CD3G: variants seen among roughly 807,000 people sequenced by gnomAD.
CD3G encodes the protein CD3 gamma subunit of T-cell receptor complex.
A neutral mutation model predicts 28.3 loss-of-function variants in CD3G; 24 were observed. That is an observed-to-expected ratio of 0.85 (90% CI 0.61 to 1.19). The LOEUF (loss-of-function observed/expected upper bound fraction) is 1.19, where lower values mean the gene tolerates loss of function less well. CD3G is among the 50% of genes most tolerant of loss of function. The pLI is 0.00. For synonymous variants in CD3G, 71 were observed against 75.9 expected (o/e 0.93, Z 0.34); for missense variants, 211 against 210.0 (o/e 1.00, Z -0.03).
At chr11:118,351,814 A>G (rs1948412403) in intron 5 of CD3G, 143 bp downstream of exon 5, 2 of 745,712 alleles carry the variant, frequency 2.7e-6, no homozygotes, top group Middle Eastern at 2.8e-4. Context: ...TTTGGGTAGA[A>G]TAAATGAACT....
Position 118,353,315 on chromosome 11 carries a change from G to T in CD3G, c.*215G>T, listed in dbSNP as rs1416047187. ...AAAACAAATACTGTGTTTCAGAAGCGCCACCTATTGGGGAAAATTGTAAAA... is the reference window on the plus strand; with the variant it reads ...AAAACAAATACTGTGTTTCAGAAGCTCCACCTATTGGGGAAAATTGTAAAA... On this transcript the variant is annotated 3_prime_UTR_variant, in exon 7 of 7. Coordinates refer to ENST00000532917, the MANE Select transcript of CD3G (RefSeq NM_000073.3). 1 of 152,008 alleles carries T rather than the reference G, an allele frequency of 6.6e-6. No homozygotes were observed. Among genetic ancestry groups the T allele is most frequent in the Admixed American group, 6.6e-5 (1 of 15,246 alleles). The allele number at this position is 152,008 out of a possible 1,614,324, so 9.4% of individuals were successfully genotyped here. A position where few individuals can be genotyped will look rare whatever the true frequency, so the allele number is the denominator to read the frequency against.
At chr11:118,351,707 A>G (rs200297467) in intron 5 of CD3G, 36 bp downstream of exon 5, 104 of 1,599,552 alleles carry the variant, frequency 6.5e-5, no homozygotes, top group Non-Finnish European at 8.4e-5. Context: ...CATTGCTGTA[A>G]TTAGTGGGGG....
rs373153109 is a variant in CD3G, at chr11:118,351,529, A to C, written c.440-99A>C. Reference sequence around the variant, plus strand: ...GTGCTTTATCCATACTCTTGTGTATATATAAAACTCTTATTGTTATTTAGT... The same window carrying C: ...GTGCTTTATCCATACTCTTGTGTATCTATAAAACTCTTATTGTTATTTAGT... On this transcript the variant is annotated intron_variant, in intron 4 of 6. Transcript: ENST00000532917. 1.2e-5 allele frequency: 13 copies of C among 1,075,526 alleles called. No individual in the cohort carries two copies. The African/African-American group carries it at 2.0e-4, about 17-fold the overall frequency. 66.6% of individuals were successfully genotyped at this position (1,075,526 alleles called of 1,614,324 possible).
chr11:118,349,496 AG>A (rs1461799274), intron 2 of CD3G: 35 of 603,418 alleles, frequency 5.8e-5, no homozygotes, highest in Admixed American at 2.1e-4. Context: ...TACTAATTAC[AG>A]CAATGTCTCT....
rs548016478 is a variant in CD3G at position 118,354,406 on chromosome 11, G to A, written c.*1306G>A. On this transcript the variant is annotated 3_prime_UTR_variant, in exon 7 of 7. Coordinates refer to ENST00000532917, the MANE Select transcript of CD3G (RefSeq NM_000073.3). ...CAACCTCCACCTCCTGGGTTCAAGC[G>A]ATTCTCTTGCCTTGGCCTCCCGAGT... The A allele has an allele frequency of 1.8e-3, 266 of 150,356 alleles. No homozygotes were observed. Among genetic ancestry groups the A allele is most frequent in the African/African-American group, 6.1e-3 (248 of 40,810 alleles). The allele number at this position is 150,356 out of a possible 1,614,324, so 9.3% of individuals were successfully genotyped here.
chr11:118,348,541 G>A (rs1948376942), intron 1 of CD3G, among the ~76,000 whole-genome samples: 1 of 152,116 alleles, frequency 6.6e-6, no homozygotes, highest in East Asian at 1.9e-4. Flanking sequence ...CACCAACCAG[G>A]AAGCTCCACC....
In CD3G at chr11:118,352,390, G is replaced by A; in HGVS notation, c.484-14G>A. 1.2e-6 allele frequency: 2 copies of A among 1,610,276 alleles called. No homozygotes were observed. The highest frequency in any genetic ancestry group is 2.2e-5 in the South Asian group (2 of 91,016). On this transcript the variant is annotated splice_polypyrimidine_tract_variant and intron_variant, in intron 5 of 6. Transcript: ENST00000532917. ...GATGGAAAAAATGACTTATGACTGT[G>A]CTGTCCTTTCCAGCCCCTCAAGGAT...
At chr11:118,347,626 CTGTT>C (rs1431914244) in intron 1 of CD3G, among the ~76,000 whole-genome samples, 5 of 151,990 alleles carry the variant, frequency 3.3e-5, no homozygotes, top group South Asian at 4.1e-4. Context: ...TTTTGTTTGT[CTGTT>C]TGTTTGTTTT....
chr11:118,351,192 A>C (rs918354974), intron 4 of CD3G, among the ~76,000 whole-genome samples: 87 of 151,708 alleles, frequency 5.7e-4, no homozygotes, highest in African/African-American at 2.0e-3. Context: ...GTCTCAAAAA[A>C]AAAAAAAAAA....
intron 6 of CD3G, 46 bp downstream of exon 6, chr11:118,352,533 T>G (rs763139249): frequency 4.8e-5 from 61 of 1,278,454 alleles, no homozygotes; most frequent in Non-Finnish European, 6.6e-5. Context: ...TTGCATCAAC[T>G]GCCCTCGCAA....
intron 2 of CD3G, 137 bp downstream of exon 2, chr11:118,349,187 T>C (rs1219157485): frequency 1.2e-6 from 2 of 1,600,154 alleles, no homozygotes; most frequent in East Asian, 4.5e-5. Flanking sequence ...GTCTCTATTG[T>C]CAACCAAATC....
chr11:118,349,632 T>C, intron 2 of CD3G, 111 bp from the exon 3 acceptor site: 1 of 846,762 alleles, frequency 1.2e-6, no homozygotes, highest in Non-Finnish European at 2.0e-6. Flanking sequence ...ATGTGATTCA[T>C]GTGCACATCA....
intron 1 of CD3G, among the ~76,000 whole-genome samples, chr11:118,348,485 A>G (rs1365706044): frequency 6.6e-6 from 1 of 152,216 alleles, no homozygotes; most frequent in Non-Finnish European, 1.5e-5. Context: ...ATTAGAACAC[A>G]TCGCCCCCAG....
rs1948426866 is a variant in CD3G at position 118,353,524 on chromosome 11, C to CAT, written c.*424_*425insAT. On this transcript the variant is annotated 3_prime_UTR_variant, in exon 7 of 7. Transcript: ENST00000532917. ...CCTCTTCAGAGACAAATTAGTTTCT[C>CAT]TTTTTTTTTTTTTTTTTTTTTTTTT... 1 of 80,784 alleles carries CAT rather than the reference C, an allele frequency of 1.2e-5. No individual in the cohort carries two copies. Among genetic ancestry groups the CAT allele is most frequent in the African/African-American group, 4.5e-5 (1 of 22,044 alleles). The allele number at this position is 80,784 out of a possible 1,614,324, so 5.0% of individuals were successfully genotyped here.
At chr11:118,351,517 AC>A (rs1346398335) in intron 4 of CD3G, 110 bp from the exon 5 acceptor site, 2 of 962,174 alleles carry the variant, frequency 2.1e-6, no homozygotes, top group African/African-American at 3.2e-5. Context: ...CTTTATCCAT[AC>A]TCTTGTGTAT....
At chr11:118,352,532 C>T in intron 6 of CD3G, 45 bp downstream of exon 6, 1 of 1,287,854 alleles carries the variant, frequency 7.8e-7, no homozygotes, top group Non-Finnish European at 1.1e-6. Context: ...CTTGCATCAA[C>T]TGCCCTCGCA....
In CD3G at chr11:118,349,725, C is replaced by T. The variant is rs771499584; in HGVS notation, c.80-18C>T. ...AGAGGCAAGATCCTTAATAGAACCACGGCTTTTCTCATTTCAGGAAACCAC... is the reference window on the plus strand; with the variant it reads ...AGAGGCAAGATCCTTAATAGAACCATGGCTTTTCTCATTTCAGGAAACCAC... On this transcript the variant is annotated intron_variant, in intron 2 of 6. Transcript: ENST00000532917. 3.8e-6 allele frequency: 6 copies of T among 1,578,460 alleles called. No homozygotes were observed. Among genetic ancestry groups the T allele is most frequent in the South Asian group, 3.3e-5 (3 of 90,294 alleles).
chr11:118,347,947 G>A (rs2134067422), intron 1 of CD3G, among the ~76,000 whole-genome samples: 1 of 152,138 alleles, frequency 6.6e-6, no homozygotes, highest in East Asian at 1.9e-4. Flanking sequence ...ACAGATTTGA[G>A]GACTAATTGA....
At chr11:118,351,112 C>G (rs1222601759) in intron 4 of CD3G, among the ~76,000 whole-genome samples, 1 of 139,120 alleles carries the variant, frequency 7.2e-6, no homozygotes, top group Non-Finnish European at 1.5e-5. Context: ...GGCATGAACC[C>G]GGGAGGCGGA....
Sources: allele counts gnomAD v4.1 joint callset (sites outside exome capture counted in the v4.1 genomes callset), GRCh38; gene constraint gnomAD v4.1.1; transcripts MANE v1.5; gene names NCBI Gene and HGNC (gene_info 2026-07-23, HGNC 2026-07-21).